KIAA0586: variants seen among roughly 807,000 people sequenced by gnomAD.
The protein encoded by KIAA0586 is KIAA0586.
In KIAA0586, 144 loss-of-function variants were observed where a neutral mutation model predicts 169.8. That is an observed-to-expected ratio of 0.85 (90% CI 0.74 to 0.97). The LOEUF is 0.97. Ranked by LOEUF, KIAA0586 falls within the 50% of genes least tolerant of loss-of-function variation. The probability of loss-of-function intolerance (pLI) is 0.00; values close to 1 mark genes in which losing one functional copy is unlikely to be tolerated. For missense variants in KIAA0586, 1,854 were observed against 1,823.0 expected (o/e 1.02, Z -0.31); for synonymous variants, 625 against 612.4 (o/e 1.02, Z -0.30).
In KIAA0586 at chr14:58,428,413, A is replaced by G. The variant is rs897527246; in HGVS notation, c.149A>G (p.Asn50Ser). 3.1e-6 allele frequency: 5 copies of G among 1,613,892 alleles called. No individual in the cohort carries two copies. The highest frequency in any genetic ancestry group is 1.3e-5 in the African/African-American group (1 of 74,926). Residue 50 changes from asparagine to serine, a missense_variant, in exon 1 of 31, where the codon AAT (asparagine) becomes AGT (serine). Asn to Ser is a conservative substitution (Grantham distance 46, BLOSUM62 1). Coordinates refer to ENST00000652326, the MANE Select transcript of KIAA0586 (RefSeq NM_001329943.3). Reference protein sequence around the residue: ...LPCVPPALSANKRLPVGTGTS... With the variant: ...LPCVPPALSASKRLPVGTGTS... ...TGTGTTCCTCCGGCATTGTCTGCAA[A>G]TAAACGTCTTCCTGTTGGAACGGGG...
At chr14:58,539,348 C>T (rs2046495930) in intron 29 of KIAA0586, among the ~76,000 whole-genome samples, 1 of 151,984 alleles carries the variant, frequency 6.6e-6, no homozygotes, top group African/African-American at 2.4e-5. Context: ...TAATTTTTTT[C>T]ATATCACCCT....
chr14:58,454,798 G>T (rs1296615899), intron 9 of KIAA0586, among the ~76,000 whole-genome samples: 2 of 152,114 alleles, frequency 1.3e-5, no homozygotes, highest in Admixed American at 6.6e-5. Flanking sequence ...TCTTCACATG[G>T]TCATCCCTCT....
intron 20 of KIAA0586, among the ~76,000 whole-genome samples, chr14:58,477,915 C>T (rs898538367): frequency 6.6e-6 from 1 of 151,728 alleles, no homozygotes; most frequent in African/African-American, 2.4e-5. Context: ...CCTCTTCCTC[C>T]TGTTTTTCTT....
chr14:58,465,556 T>C (rs2140936278), intron 14 of KIAA0586, among the ~76,000 whole-genome samples: 1 of 152,354 alleles, frequency 6.6e-6, no homozygotes, highest in East Asian at 1.9e-4. Flanking sequence ...TGCCTCTAAC[T>C]GTGTTCATTC....
chr14:58,516,544 C>T (rs1210410716), intron 29 of KIAA0586, among the ~76,000 whole-genome samples: 1 of 152,128 alleles, frequency 6.6e-6, no homozygotes, highest in Non-Finnish European at 1.5e-5. Flanking sequence ...GCCAAAGGGA[C>T]AAGGCAGAAT....
intron 29 of KIAA0586, among the ~76,000 whole-genome samples, chr14:58,533,371 A>T (rs1437438692): frequency 2.6e-5 from 4 of 152,248 alleles, no homozygotes; most frequent in African/African-American, 9.6e-5. Context: ...AGACCTGTAC[A>T]CCAAACTTCA....
chr14:58,542,957 G>A (rs901361611), intron 30 of KIAA0586, among the ~76,000 whole-genome samples: 8 of 151,402 alleles, frequency 5.3e-5, no homozygotes, highest in Non-Finnish European at 1.5e-5. Context: ...GTGAAACCCC[G>A]TCTCTACTAA....
the KIAA0586 span, among the ~76,000 whole-genome samples, chr14:58,560,640 A>T: frequency 1.3e-5 from 2 of 152,134 alleles, no homozygotes; most frequent in Non-Finnish European, 2.9e-5. Context: ...TGCATCTGTC[A>T]CTTAAAGATG....
At chr14:58,476,024 G>A (rs961892623) in intron 19 of KIAA0586, among the ~76,000 whole-genome samples, 16 of 152,174 alleles carry the variant, frequency 1.1e-4, no homozygotes, top group Non-Finnish European at 2.2e-4. Context: ...CTTGAACCTG[G>A]GAGGTGGATG....
intron 7 of KIAA0586, among the ~76,000 whole-genome samples, chr14:58,449,863 A>G (rs1466453212): frequency 6.6e-6 from 1 of 152,242 alleles, no homozygotes; most frequent in Non-Finnish European, 1.5e-5. Context: ...TATATAAATT[A>G]CAGTAACAAA....
In KIAA0586 at chr14:58,470,651, T is replaced by C. The variant is rs1161880893; in HGVS notation, c.2481T>C (p.Ser827=). ...PSVDIDSISN[S]SADVLSPLSS... ...TAGATATTGACAGCATTTCAAATAG[T>C]AGTGCTGATGTCCTTTCACCTCTGT... is the stretch of plus-strand genomic sequence containing the variant. The change falls in exon 17 of 31, where the codon AGT becomes AGC. Residue 827 remains serine (S), a synonymous_variant. Transcript: ENST00000652326. 9 of 1,608,582 alleles carry C rather than the reference T, an allele frequency of 5.6e-6. No individual in the cohort carries two copies. The highest frequency in any genetic ancestry group is 7.7e-6 in the Non-Finnish European group (9 of 1,175,368).
intron 29 of KIAA0586, among the ~76,000 whole-genome samples, chr14:58,525,882 G>T (rs891652451): frequency 6.6e-6 from 1 of 152,168 alleles, no homozygotes; most frequent in African/African-American, 2.4e-5. Flanking sequence ...CGGGGGAGGG[G>T]CGTCCGCCAT....
rs200858908 is a variant in KIAA0586 at position 58,516,170 on chromosome 14, C to A, written c.4429+3543C>A. Among the ~76,000 whole-genome samples the A allele has an allele frequency of 5.9e-5, 9 of 152,188 alleles. No individual in the cohort carries two copies. The East Asian group carries it at 1.7e-3, about 29-fold the overall frequency. Reference sequence around the variant, plus strand: ...TCACAGATACAAGTGGAGTTCACACCCACTTGTAGGCATCTTCTGCACAGA... The same window carrying A: ...TCACAGATACAAGTGGAGTTCACACACACTTGTAGGCATCTTCTGCACAGA... On this transcript the variant is annotated intron_variant, in intron 29 of 30. Coordinates refer to ENST00000652326, the MANE Select transcript of KIAA0586 (RefSeq NM_001329943.3).
At chr14:58,464,165 G>T in intron 14 of KIAA0586, 1 of 370,066 alleles carries the variant, frequency 2.7e-6, no homozygotes, top group South Asian at 2.2e-5. Flanking sequence ...CAAAAGAGTT[G>T]AGGGTTGCTA....
chr14:58,552,127 C>T (rs2047215909), downstream of KIAA0586, among the ~76,000 whole-genome samples: 1 of 152,172 alleles, frequency 6.6e-6, no homozygotes, highest in Admixed American at 6.5e-5. Flanking sequence ...ATGGAATCCT[C>T]ATTTGATCAT....
chr14:58,441,313 A>G, intron 4 of KIAA0586: 1 of 440,528 alleles, frequency 2.3e-6, no homozygotes, highest in South Asian at 1.6e-5. Context: ...AGATCCTCCC[A>G]CCTCAGCCTC....
Position 58,430,717 on chromosome 14 carries a change from G to C in KIAA0586, c.340G>C (p.Ala114Pro). The change falls in exon 3 of 31, where the codon GCA becomes CCA. Residue 114 changes from alanine to proline, a missense_variant and splice_region_variant. By Grantham distance (27) the Ala-to-Pro change is conservative (BLOSUM62 -1). Transcript: ENST00000652326. ...AATAGAAGAGAACAACAAGCAAAAA[G>C]GTAAAAGAATAATATTGATTTTTTT... ...DKIEENNKQK[A>P]NDIFISQYTM... The C allele has an allele frequency of 6.4e-7, 1 of 1,555,176 alleles. No homozygotes were observed. The highest frequency in any genetic ancestry group is 8.8e-7 in the Non-Finnish European group (1 of 1,133,062).
At chr14:58,469,644 A>G (rs774824900) in intron 16 of KIAA0586, among the ~76,000 whole-genome samples, 8 of 152,218 alleles carry the variant, frequency 5.3e-5, no homozygotes, top group Non-Finnish European at 1.0e-4. Context: ...CAGTAAGAAC[A>G]TATGAAACGA....
intron 27 of KIAA0586, among the ~76,000 whole-genome samples, chr14:58,504,801 T>A (rs1813130336): frequency 6.6e-6 from 1 of 152,196 alleles, no homozygotes; most frequent in African/African-American, 2.4e-5. Context: ...AATCCTTTCC[T>A]GACCCTTATC....
Sources: gnomAD v4.1 joint callset for allele counts (sites outside exome capture counted in the v4.1 genomes callset) on GRCh38, gnomAD v4.1.1 for gene constraint, MANE v1.5 for transcripts, NCBI Gene and HGNC (gene_info 2026-07-23, HGNC 2026-07-21) for gene names.